The following RPH3A variants were observed in gnomAD, a reference collection of about 807,000 sequenced individuals.
RPH3A encodes the protein rabphilin-3A.
In RPH3A, 48 loss-of-function variants were observed where a neutral mutation model predicts 102.2. The ratio of observed to expected loss-of-function variants is 0.47; its 90% CI spans 0.37 to 0.60. The LOEUF (loss-of-function observed/expected upper bound fraction) is 0.60, where lower values mean the gene tolerates loss of function less well. Ranked by LOEUF, RPH3A falls within the 20% of genes least tolerant of loss-of-function variation. The pLI is 0.00. For synonymous variants in RPH3A, 310 were observed against 324.3 expected (o/e 0.96, Z 0.47); for missense variants, 781 against 910.1 (o/e 0.86, Z 1.83).
chr12:112,779,855 T>TA (rs1387775411), intron 1 of RPH3A, among the ~76,000 whole-genome samples: 2 of 152,092 alleles, frequency 1.3e-5, no homozygotes, highest in East Asian at 3.9e-4. Flanking sequence ...CTAAATCCAA[T>TA]ATGATTGGTG....
chr12:112,789,679 GCCA>G (rs571794947), upstream of RPH3A, among the ~76,000 whole-genome samples: 8 of 151,566 alleles, frequency 5.3e-5, no homozygotes, highest in South Asian at 6.3e-4. Context: ...AGCCATCATT[GCCA>G]CCACCACCAC....
intron 11 of RPH3A, 133 bp from the exon 12 acceptor site, chr12:112,875,546 T>A: frequency 1.4e-6 from 1 of 716,588 alleles, no homozygotes; most frequent in Non-Finnish European, 2.4e-6. Context: ...CCAGTGGGAC[T>A]GTTTCTGCAG....
At chr12:112,765,604 A>G (rs148602310) in intron 1 of RPH3A, among the ~76,000 whole-genome samples, 1 of 152,330 alleles carries the variant, frequency 6.6e-6, no homozygotes, top group African/African-American at 2.4e-5. Flanking sequence ...TGTAAAATGG[A>G]GTGAATTATA....
At chr12:112,784,969 T>A (rs186098606) in intron 1 of RPH3A, among the ~76,000 whole-genome samples, 9 of 152,308 alleles carry the variant, frequency 5.9e-5, no homozygotes, top group African/African-American at 2.2e-4. Context: ...ACGCCTATAA[T>A]CCCAGCACTT....
intron 1 of RPH3A, among the ~76,000 whole-genome samples, chr12:112,750,611 G>T (rs768428196): frequency 6.6e-6 from 1 of 152,158 alleles, no homozygotes; most frequent in African/African-American, 2.4e-5. Context: ...CAATGGTAAG[G>T]CCCAAGAGAT....
intron 15 of RPH3A, 73 bp downstream of exon 15, chr12:112,881,919 G>C: frequency 7.9e-7 from 1 of 1,266,470 alleles, no homozygotes; most frequent in Non-Finnish European, 1.1e-6. Flanking sequence ...TCTCAGCTCA[G>C]AGCCCAAAAT....
intron 2 of RPH3A, among the ~76,000 whole-genome samples, chr12:112,806,055 A>G (rs1254606192): frequency 6.6e-6 from 1 of 152,236 alleles, no homozygotes; most frequent in African/African-American, 2.4e-5. Flanking sequence ...ACATGGTTAT[A>G]TAAAATAAAC....
intron 17 of RPH3A, among the ~76,000 whole-genome samples, chr12:112,889,540 G>C (rs997299370): frequency 1.3e-5 from 2 of 152,222 alleles, no homozygotes; most frequent in Admixed American, 6.5e-5. Flanking sequence ...CCTCTCCAAA[G>C]TGGGGAGGTT....
At chr12:112,712,905 T>A (rs1055980099) in intron 1 of RPH3A, among the ~76,000 whole-genome samples, 47 of 92,238 alleles carry the variant, frequency 5.1e-4, no homozygotes, top group Non-Finnish European at 8.6e-4. Flanking sequence ...TTCTTCTTCC[T>A]CTTCTTCTTC....
At chr12:112,857,861 T>C (rs11833567) in intron 5 of RPH3A, among the ~76,000 whole-genome samples, 2,762 of 151,452 alleles carry the variant, frequency 0.018, 102 homozygotes, top group African/African-American at 0.063. Context: ...CTCAGCTCCA[T>C]GTGTACAGAA....
At chr12:112,824,232 T>A (rs1343731946) in intron 2 of RPH3A, among the ~76,000 whole-genome samples, 1 of 152,172 alleles carries the variant, frequency 6.6e-6, no homozygotes, top group African/African-American at 2.4e-5. Context: ...CACACAGCCG[T>A]CTTGCCCTAG....
At chr12:112,735,230 G>A (rs2040660854) in intron 1 of RPH3A, among the ~76,000 whole-genome samples, 1 of 152,236 alleles carries the variant, frequency 6.6e-6, no homozygotes, top group Non-Finnish European at 1.5e-5. Context: ...AGCAAAAATG[G>A]CCAATGGCCG....
chr12:112,884,745 G>A (rs540074836), intron 16 of RPH3A, among the ~76,000 whole-genome samples: 3 of 152,124 alleles, frequency 2.0e-5, no homozygotes, highest in Admixed American at 6.5e-5. Context: ...TTTTTATTGC[G>A]GCATAACATT....
rs35202488 is a variant in RPH3A, at chr12:112,812,669, TTCTCTCTCTC to T, written c.-18-15622_-18-15613del. ...TGTGTCAATTTCTGATTCTATCCCC[TTCTCTCTCTC>T]TCTCTCTCTTCCCCTCTCTCCCTCT... On this transcript the variant is annotated intron_variant, in intron 2 of 21. Transcript: ENST00000389385. Among the ~76,000 whole-genome samples the T allele has an allele frequency of 3.7e-3, 557 of 150,048 alleles. 4 individuals are homozygous for T. Among genetic ancestry groups the T allele is most frequent in the African/African-American group, 0.013 (549 of 41,126 alleles).
chr12:112,661,525 T>A (rs2040048514), intron 1 of RPH3A, among the ~76,000 whole-genome samples: 1 of 152,096 alleles, frequency 6.6e-6, no homozygotes, highest in Admixed American at 6.6e-5. Flanking sequence ...CTTGTTTAGG[T>A]TTTAGGAAAT....
chr12:112,591,006 T>C (rs1482067512), intron 1 of RPH3A, among the ~76,000 whole-genome samples: 1 of 151,982 alleles, frequency 6.6e-6, no homozygotes, highest in Non-Finnish European at 1.5e-5. Flanking sequence ...TTGGTAGAGA[T>C]GGAGTCTCAC....
At chr12:112,844,135 T>C (rs1593072309) in intron 4 of RPH3A, among the ~76,000 whole-genome samples, 1 of 152,196 alleles carries the variant, frequency 6.6e-6, no homozygotes, top group Non-Finnish European at 1.5e-5. Flanking sequence ...TTCATGCCTT[T>C]GTGTAATGCC....
At chr12:112,671,699 T>C (rs749075001) in intron 1 of RPH3A, among the ~76,000 whole-genome samples, 22 of 152,118 alleles carry the variant, frequency 1.4e-4, no homozygotes, top group Non-Finnish European at 3.1e-4. Flanking sequence ...TGCCAGTCAA[T>C]GAGCTAAAGA....
chr12:112,718,931 C>T (rs1474454055), intron 1 of RPH3A, among the ~76,000 whole-genome samples: 1 of 152,204 alleles, frequency 6.6e-6, no homozygotes, highest in African/African-American at 2.4e-5. Context: ...TCTTTGGTTT[C>T]TTTCTTCTCA....
Sources: allele counts gnomAD v4.1 joint callset (sites outside exome capture counted in the v4.1 genomes callset), GRCh38; gene constraint gnomAD v4.1.1; transcripts MANE v1.5; gene names NCBI Gene and HGNC (gene_info 2026-07-23, HGNC 2026-07-21).